Variants in ENO2 observed in about 807,000 individuals in gnomAD.
ENO2 encodes gamma-enolase.
In ENO2, 19 loss-of-function variants were observed where a neutral mutation model predicts 48.7. That is an observed-to-expected ratio of 0.39 (90% CI 0.27 to 0.57). ENO2 has a LOEUF of 0.57. Among genes scored for constraint, ENO2 ranks in the 20% least tolerant of loss-of-function variants. The pLI, the probability that ENO2 is intolerant of heterozygous loss-of-function variation, is 0.58. For missense variants in ENO2, 416 were observed against 555.0 expected, an observed-to-expected ratio of 0.75 and a Z score of 2.52; for synonymous variants, 198 against 213.4, an observed-to-expected ratio of 0.93 and a Z score of 0.63.
Position 6,917,929 on chromosome 12 carries a change from T to C in ENO2, c.445-11T>C, listed in dbSNP as rs1555141798. 1.2e-6 allele frequency: 2 copies of C among 1,613,710 alleles called. No individual in the cohort carries two copies. The highest frequency in any genetic ancestry group is 3.3e-5 in the Admixed American group (2 of 60,008). On this transcript the variant is annotated splice_polypyrimidine_tract_variant and intron_variant, in intron 6 of 11. Transcript: ENST00000229277. ...GCTCTTTGACCCTTCTGTCTTTCTGTGGCTCCCCAGGCCTTCAACGTGATC... is the reference window on the plus strand; with the variant it reads ...GCTCTTTGACCCTTCTGTCTTTCTGCGGCTCCCCAGGCCTTCAACGTGATC...
At position 6,916,640 on chromosome 12, in the gene ENO2, C is replaced by A; in HGVS notation, c.182-31C>A. On this transcript the variant is annotated intron_variant, in intron 3 of 11. Transcript: ENST00000229277. This position sits in a 1 kb window ranked among gnomAD's most constrained non-coding sequence, Gnocchi z 4.5. ...TTGATCCCTTCCGGCCCCTCCTGGC[C>A]CGACCCAGTCCAGCCTCTTCCTTTC... 1 of 1,613,930 alleles carries A rather than the reference C, an allele frequency of 6.2e-7. No individual in the cohort carries two copies. Among genetic ancestry groups the A allele is most frequent in the Non-Finnish European group, 8.5e-7 (1 of 1,179,812 alleles).
chr12:6,916,626 C>A lies in ENO2; in HGVS notation c.182-45C>A, dbSNP rs755905983. ...TTCCCCTCCTCCCATTGATCCCTTCCGGCCCCTCCTGGCCCGACCCAGTCC... is the reference window on the plus strand; with the variant it reads ...TTCCCCTCCTCCCATTGATCCCTTCAGGCCCCTCCTGGCCCGACCCAGTCC... On this transcript the variant is annotated intron_variant, in intron 3 of 11. Transcript: ENST00000229277. The surrounding 1 kb of genome is among the most constrained non-coding windows in gnomAD (Gnocchi z 4.5). 2 of 1,613,132 alleles carry A rather than the reference C, an allele frequency of 1.2e-6. No individual in the cohort carries two copies. The highest frequency in any genetic ancestry group is 1.7e-6 in the Non-Finnish European group (2 of 1,179,144).
rs1470702147 is a variant in ENO2 at position 6,916,561 on chromosome 12, C to T, written c.181+49C>T. ...ACTCTCCCCCACCTCAGCCTTATGC[C>T]CCTACCTCACACCAGTCCCCAGTCC... On this transcript the variant is annotated intron_variant, in intron 3 of 11. Transcript: ENST00000229277. The surrounding 1 kb of genome is among the most constrained non-coding windows in gnomAD (Gnocchi z 4.5). The T allele has an allele frequency of 1.2e-6, 2 of 1,611,658 alleles. No individual in the cohort carries two copies. The highest frequency in any genetic ancestry group is 1.7e-6 in the Non-Finnish European group (2 of 1,178,190).
At chr12:6,919,856 G>C (rs1257126902) in intron 8 of ENO2, 93 bp downstream of exon 8, 28 of 1,367,654 alleles carry the variant, frequency 2.0e-5, no homozygotes, top group African/African-American at 2.9e-5. Flanking sequence ...TCAGGCACCA[G>C]GTGGGGGTGT....
At position 6,915,839 on chromosome 12, in the gene ENO2, A is replaced by T; in HGVS notation, c.7A>T (p.Ile3Leu). The T allele has an allele frequency of 6.2e-7, 1 of 1,612,560 alleles. No individual in the cohort carries two copies. The highest frequency in any genetic ancestry group is 8.5e-7 in the Non-Finnish European group (1 of 1,179,302). ...CGAGGAGATCCCAGCCATCATGTCCATAGAGAAGATCTGGGCCCGGGAGAT... is the reference window on the plus strand; with the variant it reads ...CGAGGAGATCCCAGCCATCATGTCCTTAGAGAAGATCTGGGCCCGGGAGAT... MS[I>L]EKIWAREILD... The change falls in exon 2 of 12, where the codon ATA becomes TTA. Residue 3 changes from isoleucine to leucine, a missense_variant. Ile to Leu is a conservative substitution (Grantham distance 5). Coordinates refer to ENST00000229277, the MANE Select transcript of ENO2 (RefSeq NM_001975.3).
Position 6,922,776 on chromosome 12 carries a change from C to T in ENO2, c.1281C>T (p.Asn427=). ...ATGAAGCTCGCTTTGCCGGACATAA[C>T]TTCCGTAATCCCAGTGTGCTGTGAT... ...LGDEARFAGH[N]FRNPSVL The change falls in exon 12 of 12, where the codon AAC becomes AAT. Residue 427 remains asparagine (N), a synonymous_variant. Coordinates refer to ENST00000229277, the MANE Select transcript of ENO2 (RefSeq NM_001975.3). The surrounding 1 kb of genome is among the most constrained non-coding windows in gnomAD (Gnocchi z 5.3). 1.2e-6 allele frequency: 2 copies of T among 1,614,128 alleles called. No individual in the cohort carries two copies. The highest frequency in any genetic ancestry group is 1.7e-5 in the Admixed American group (1 of 60,016).
At position 6,923,053 on chromosome 12, in the gene ENO2, C is replaced by A; in HGVS notation, c.*253C>A. On this transcript the variant is annotated 3_prime_UTR_variant, in exon 12 of 12. Coordinates refer to ENST00000229277, the MANE Select transcript of ENO2 (RefSeq NM_001975.3). ...TTCTCTTTCTCTCTTCCCTCAGAAA[C>A]TAGAAATGTGAATGAGGATTATTAT... is the stretch of plus-strand genomic sequence containing the variant. The A allele has an allele frequency of 2.1e-6, 1 of 477,108 alleles. No homozygotes were observed. The highest frequency in any genetic ancestry group is 3.8e-6 in the Non-Finnish European group (1 of 260,544). The allele number at this position is 477,108 out of a possible 1,614,324, so 29.6% of individuals were successfully genotyped here.
Position 6,916,536 on chromosome 12 carries a change from A to C in ENO2, c.181+24A>C, listed in dbSNP as rs781921793. ...AGGTGAGGTCCCTTCTCTTTTCCAGACTCTCCCCCACCTCAGCCTTATGCC... is the reference window on the plus strand; with the variant it reads ...AGGTGAGGTCCCTTCTCTTTTCCAGCCTCTCCCCCACCTCAGCCTTATGCC... On this transcript the variant is annotated intron_variant, in intron 3 of 11. Transcript: ENST00000229277. The surrounding 1 kb of genome is among the most constrained non-coding windows in gnomAD (Gnocchi z 4.5). The C allele has an allele frequency of 1.3e-5, 21 of 1,611,974 alleles. No individual in the cohort carries two copies. In the African/African-American group the frequency reaches 2.8e-4, roughly 22 times the overall value.
Position 6,916,827 on chromosome 12 carries a change from G to T in ENO2, c.240+98G>T. 1 of 1,526,128 alleles carries T rather than the reference G, an allele frequency of 6.6e-7. No homozygotes were observed. Among genetic ancestry groups the T allele is most frequent in the South Asian group, 1.2e-5 (1 of 86,790 alleles). The allele number at this position is 1,526,128 out of a possible 1,614,324, so 94.5% of individuals were successfully genotyped here. A position where few individuals can be genotyped will look rare whatever the true frequency, so the allele number is the denominator to read the frequency against. ...GGGAAGAAAGAAGGCCCACTCTTAG[G>T]AATCATGGTTACAAGGGGGAAGGGT... On this transcript the variant is annotated intron_variant, in intron 4 of 11. Coordinates refer to ENST00000229277, the MANE Select transcript of ENO2 (RefSeq NM_001975.3). This position sits in a 1 kb window ranked among gnomAD's most constrained non-coding sequence, Gnocchi z 4.5.
At position 6,917,604 on chromosome 12, in the gene ENO2, C is replaced by T. The variant is rs11550246; in HGVS notation, c.334C>T (p.Leu112=). ...NKSKFGANAI[L]GVSLAVCKAG... Reference sequence around the variant, plus strand: ...AGCCAAGTTTGGGGCCAATGCCATCCTGGGTGTGTCTCTGGCCGTGTGTAA... The same window carrying T: ...AGCCAAGTTTGGGGCCAATGCCATCTTGGGTGTGTCTCTGGCCGTGTGTAA... Residue 112 remains leucine (L), a synonymous_variant, in exon 6 of 12, where the codon CTG becomes TTG. Transcript: ENST00000229277. The T allele has an allele frequency of 4.0e-5, 64 of 1,613,280 alleles. No homozygotes were observed. The highest frequency in any genetic ancestry group is 5.3e-5 in the Non-Finnish European group (63 of 1,179,640).
At chr12:6,915,751 G>C in intron 1 of ENO2, 70 bp from the exon 2 acceptor site, 217 of 383,304 alleles carry the variant, frequency 5.7e-4, no homozygotes, top group Non-Finnish European at 8.2e-4. Flanking sequence ...CTCCCGCCCC[G>C]CCCATTGATC....
Position 6,922,128 on chromosome 12 carries a change from C to G in ENO2, c.1140C>G (p.Phe380Leu). 1.9e-6 allele frequency: 3 copies of G among 1,614,074 alleles called. No homozygotes were observed. The highest frequency in any genetic ancestry group is 2.5e-6 in the Non-Finnish European group (3 of 1,180,010). The change falls in exon 10 of 12, where the codon TTC becomes TTG. Residue 380 changes from phenylalanine to leucine, a missense_variant. By Grantham distance (22) the Phe-to-Leu change is conservative. Transcript: ENST00000229277. This position sits in a 1 kb window ranked among gnomAD's most constrained non-coding sequence, Gnocchi z 5.3. ...SHRSGETEDT[F>L]IADLVVGLCT... The stretch of plus-strand genomic sequence containing the variant: ...GCTCAGGAGAGACTGAGGACACATT[C>G]ATTGCTGACCTGGTGGTGGGGCTGT...
At position 6,917,693 on chromosome 12, in the gene ENO2, A is replaced by G. The variant is rs200135067; in HGVS notation, c.423A>G (p.Ser141=). ...ACATTGCTCAGCTGGCCGGGAACTC[A>G]GACCTCATCCTGCCTGTGCCGGTGA... is the stretch of plus-strand genomic sequence containing the variant. ...YRHIAQLAGN[S]DLILPVPAFN... is the part of the protein sequence containing the mutation. Residue 141 remains serine, a synonymous_variant, in exon 6 of 12, where the codon TCA becomes TCG. Coordinates refer to ENST00000229277, the MANE Select transcript of ENO2 (RefSeq NM_001975.3). 94 of 1,531,624 alleles carry G rather than the reference A, an allele frequency of 6.1e-5. No individual in the cohort carries two copies. In the East Asian group the frequency reaches 2.3e-3, roughly 38 times the overall value. 94.9% of individuals were successfully genotyped at this position (1,531,624 alleles called of 1,614,324 possible).
At position 6,919,737 on chromosome 12, in the gene ENO2, A is replaced by C; in HGVS notation, c.839A>C (p.Tyr280Ser). 6.2e-7 allele frequency: 1 copy of C among 1,613,812 alleles called. No homozygotes were observed. Among genetic ancestry groups the C allele is most frequent in the Non-Finnish European group, 8.5e-7 (1 of 1,180,000 alleles). The change falls in exon 8 of 12, where the codon TAC becomes TCC. Residue 280 changes from tyrosine to serine, a missense_variant. Transcript: ENST00000229277. ...ACTGGGGACCAGCTGGGGGCACTCT[A>C]CCAGGACTTTGTCAGGGACTATCCT... ...YITGDQLGAL[Y>S]QDFVRDYPVV...
Position 6,918,068 on chromosome 12 carries a change from A to G in ENO2, c.573A>G (p.Thr191=). 1 of 1,614,126 alleles carries G rather than the reference A, an allele frequency of 6.2e-7. No individual in the cohort carries two copies. Among genetic ancestry groups the G allele is most frequent in the South Asian group, 1.1e-5 (1 of 91,078 alleles). The change falls in exon 7 of 12, where the codon ACA becomes ACG. Residue 191 remains threonine (T), a synonymous_variant. Transcript: ENST00000229277. The part of the protein sequence containing the change: ...AMRLGAEVYH[T]LKGVIKDKYG... ...GACTAGGTGCAGAGGTCTACCATAC[A>G]CTCAAGGGAGTCATCAAGGACAAAT...
rs192294887 is a variant in ENO2 at position 6,914,884 on chromosome 12, C to T, written c.-13+225C>T. On this transcript the variant is annotated intron_variant, in intron 1 of 11. Coordinates refer to ENST00000229277, the MANE Select transcript of ENO2 (RefSeq NM_001975.3). The surrounding 1 kb of genome is among the most constrained non-coding windows in gnomAD (Gnocchi z 7.1). ...GCGCCTATCTCTAACTGCGCCTCTC[C>T]ACCCTTGCCTGCCTCTCTCCCGGTG... Among the ~76,000 whole-genome samples the T allele has an allele frequency of 6.6e-6, 1 of 152,322 alleles. No homozygotes were observed. The highest frequency in any genetic ancestry group is 1.9e-4 in the East Asian group (1 of 5,184).
At position 6,922,880 on chromosome 12, in the gene ENO2, C is replaced by T. The variant is rs1591654714; in HGVS notation, c.*80C>T. ...CTGTCCTGATCTGTGATAGTTCACC[C>T]CCTGAGATCCCCTGAGCCCCAGGGT... is the stretch of plus-strand genomic sequence containing the variant. On this transcript the variant is annotated 3_prime_UTR_variant, in exon 12 of 12. Coordinates refer to ENST00000229277, the MANE Select transcript of ENO2 (RefSeq NM_001975.3). The surrounding 1 kb of genome is among the most constrained non-coding windows in gnomAD (Gnocchi z 5.3). 6.7e-7 allele frequency: 1 copy of T among 1,491,676 alleles called. No individual in the cohort carries two copies. The highest frequency in any genetic ancestry group is 9.3e-7 in the Non-Finnish European group (1 of 1,075,506). 92.4% of individuals were successfully genotyped at this position (1,491,676 alleles called of 1,614,324 possible).
In ENO2 at chr12:6,917,121, G is replaced by C. The variant is rs372023195; in HGVS notation, c.310+14G>C. The C allele has an allele frequency of 6.2e-7, 1 of 1,613,792 alleles. No homozygotes were observed. The highest frequency in any genetic ancestry group is 1.1e-5 in the South Asian group (1 of 91,084). On this transcript the variant is annotated intron_variant, in intron 5 of 11. Coordinates refer to ENST00000229277, the MANE Select transcript of ENO2 (RefSeq NM_001975.3). The stretch of plus-strand genomic sequence containing the variant: ...CTGAGAACAAATGTGAGCCGGGGCC[G>C]GGAGAAAGTGGGGAAGCGTCAGGGT...
Position 6,921,741 on chromosome 12 carries a change from C to T in ENO2, c.1026C>T (p.Leu342=), listed in dbSNP as rs1945342858. The T allele has an allele frequency of 3.7e-6, 6 of 1,614,060 alleles. No individual in the cohort carries two copies. Among genetic ancestry groups the T allele is most frequent in the African/African-American group, 1.3e-5 (1 of 74,928 alleles). ...VEEKACNCLL[L]KVNQIGSVTE... is the part of the protein sequence containing the mutation. ...AAAAGGCCTGCAACTGTCTGCTGCTCAAGGTCAACCAGATCGGCTCGGTCA... is the reference window on the plus strand; with the variant it reads ...AAAAGGCCTGCAACTGTCTGCTGCTTAAGGTCAACCAGATCGGCTCGGTCA... Residue 342 remains leucine (L), a synonymous_variant, in exon 9 of 12, where the codon CTC becomes CTT. Coordinates refer to ENST00000229277, the MANE Select transcript of ENO2 (RefSeq NM_001975.3).
Sources: allele counts gnomAD v4.1 joint callset (sites outside exome capture counted in the v4.1 genomes callset), GRCh38; gene constraint gnomAD v4.1.1; non-coding constraint Gnocchi (gnomAD v3.1); transcripts MANE v1.5; gene names NCBI Gene and HGNC (gene_info 2026-07-23, HGNC 2026-07-21).